EDARADD: variants seen among roughly 807,000 people sequenced by gnomAD.
EDARADD encodes the protein EDAR associated via death domain.
A neutral mutation model predicts 25.6 loss-of-function variants in EDARADD; 20 were observed. That is an observed-to-expected ratio of 0.78 (90% CI 0.55 to 1.14). The LOEUF is 1.14. EDARADD is among the 50% of genes most tolerant of loss of function. The probability of loss-of-function intolerance (pLI) is 0.00; values close to 1 mark genes in which losing one functional copy is unlikely to be tolerated. For missense variants in EDARADD, 225 were observed against 270.1 expected (o/e 0.83, Z 1.17); for synonymous variants, 86 against 94.4 (o/e 0.91, Z 0.52).
intron 3 of EDARADD, among the ~76,000 whole-genome samples, chr1:236,356,214 C>G (rs1666973884): frequency 6.6e-6 from 1 of 152,056 alleles, no homozygotes; most frequent in South Asian, 2.1e-4. Context: ...TCTCCCTAGT[C>G]CTTCAACCCA....
intron 3 of EDARADD, among the ~76,000 whole-genome samples, chr1:236,377,243 C>A (rs1572115447): frequency 6.6e-6 from 1 of 151,438 alleles, no homozygotes; most frequent in South Asian, 2.1e-4. Context: ...GCAACCTCCA[C>A]CTCCTGGGTT....
chr1:236,448,174 C>T (rs542285000), intron 4 of EDARADD, among the ~76,000 whole-genome samples: 56 of 152,346 alleles, frequency 3.7e-4, no homozygotes, highest in African/African-American at 1.3e-3. Context: ...GCCTGGGCCC[C>T]TGCCCCAGAG....
At position 236,484,125 on chromosome 1, in the gene EDARADD, A is replaced by C; in HGVS notation, c.*1476A>C. ...AATCCAGGTAGTGGAGGATGATCTC[A>C]GAGTGACCAACCCAAAGAGGACAGC... is the stretch of plus-strand genomic sequence containing the variant. On this transcript the variant is annotated 3_prime_UTR_variant, in exon 6 of 6. Coordinates refer to ENST00000334232, the MANE Select transcript of EDARADD (RefSeq NM_145861.4). This position sits in a 1 kb window ranked among gnomAD's most constrained non-coding sequence, Gnocchi z 4.1. The C allele has an allele frequency of 1.5e-5, 22 of 1,503,716 alleles. No individual in the cohort carries two copies. The highest frequency in any genetic ancestry group is 1.9e-5 in the Non-Finnish European group (20 of 1,080,734). The allele number at this position is 1,503,716 out of a possible 1,614,324, so 93.1% of individuals were successfully genotyped here. A position where few individuals can be genotyped will look rare whatever the true frequency, so the allele number is the denominator to read the frequency against.
chr1:236,402,221 C>T lies in EDARADD; in HGVS notation c.62-6995C>T, dbSNP rs150715423. 6.7e-3 allele frequency among the ~76,000 whole-genome samples: 1,019 copies of T among 152,294 alleles called. 10 individuals are homozygous for T. Among genetic ancestry groups the T allele is most frequent in the African/African-American group, 0.023 (975 of 41,558 alleles). On this transcript the variant is annotated intron_variant, in intron 1 of 5. Coordinates refer to ENST00000334232, the MANE Select transcript of EDARADD (RefSeq NM_145861.4). ...AGGTGATCTGCCCGCCTCGGCCTCC[C>T]AAAATACTGGGATTACAGATGTGAG... is the stretch of plus-strand genomic sequence containing the variant.
intron 5 of EDARADD, among the ~76,000 whole-genome samples, chr1:236,480,096 C>CATT (rs1553271637): frequency 1.3e-5 from 1 of 77,834 alleles, no homozygotes; most frequent in African/African-American, 6.2e-5. Context: ...TTAAGTATGC[C>CATT]ATATATATAT....
intron 4 of EDARADD, among the ~76,000 whole-genome samples, chr1:236,437,870 TTCTG>T (rs1449441067): frequency 1.3e-5 from 2 of 151,634 alleles, no homozygotes; most frequent in African/African-American, 4.9e-5. Flanking sequence ...CGCCTCAGCC[TTCTG>T]AGCAGCTGGG....
intron 3 of EDARADD, among the ~76,000 whole-genome samples, chr1:236,373,573 C>T (rs1572113989): frequency 6.6e-6 from 1 of 152,114 alleles, no homozygotes; most frequent in Non-Finnish European, 1.5e-5. Context: ...TTTCTAGACA[C>T]TTATTGATTT....
At chr1:236,440,444 A>G (rs536578931) in intron 4 of EDARADD, among the ~76,000 whole-genome samples, 2 of 152,334 alleles carry the variant, frequency 1.3e-5, no homozygotes, top group African/African-American at 4.8e-5. Context: ...CATTTAATCT[A>G]TAGATCAATT....
chr1:236,470,797 T>C (rs776104621), intron 5 of EDARADD, among the ~76,000 whole-genome samples: 6 of 152,010 alleles, frequency 3.9e-5, no homozygotes, highest in Non-Finnish European at 7.4e-5. Flanking sequence ...TTAGTAGAGA[T>C]GGGTTTTGCC....
At chr1:236,446,426 C>A (rs1658539897) in intron 4 of EDARADD, among the ~76,000 whole-genome samples, 1 of 152,110 alleles carries the variant, frequency 6.6e-6, no homozygotes, top group African/African-American at 2.4e-5. Flanking sequence ...GTGGCGCACA[C>A]CTGTAATCCT....
intron 4 of EDARADD, among the ~76,000 whole-genome samples, chr1:236,430,627 TAAAAAG>T (rs1658070215): frequency 6.6e-6 from 1 of 152,164 alleles, no homozygotes; most frequent in Non-Finnish European, 1.5e-5. Context: ...TCTTCTCCTA[TAAAAAG>T]TAGTACTATA....
chr1:236,385,089 C>CTTTTTTTTTT (rs34509027), intron 3 of EDARADD, among the ~76,000 whole-genome samples: 9 of 121,950 alleles, frequency 7.4e-5, no homozygotes, highest in Non-Finnish European at 1.1e-4. Flanking sequence ...CCTTTTGATT[C>CTTTTTTTTTT]TTTTTTTTTT....
chr1:236,448,767 T>C (rs1347706268), intron 4 of EDARADD, among the ~76,000 whole-genome samples: 1 of 152,220 alleles, frequency 6.6e-6, no homozygotes, highest in Non-Finnish European at 1.5e-5. Flanking sequence ...TGTGCATTTC[T>C]GATACAGAGA....
At chr1:236,377,442 C>T (rs1667236399) in intron 3 of EDARADD, among the ~76,000 whole-genome samples, 1 of 148,776 alleles carries the variant, frequency 6.7e-6, no homozygotes, top group Admixed American at 6.7e-5. Flanking sequence ...AGGCGTGAGC[C>T]ACCACGCCCA....
At chr1:236,350,648 T>C (rs1297869122) in intron 2 of EDARADD, 1 of 152,098 alleles carries the variant, frequency 6.6e-6, no homozygotes. Flanking sequence ...AAAGTATTAG[T>C]AGAAGCTGAG....
chr1:236,447,224 C>CTTT (rs58467420), intron 4 of EDARADD, among the ~76,000 whole-genome samples: 1,948 of 37,494 alleles, frequency 0.052, 41 homozygotes, highest in African/African-American at 0.073. Context: ...TTCTTTCTTT[C>CTTT]CTTTCTTTCC....
chr1:236,437,441 G>A (rs1425112310), intron 4 of EDARADD, among the ~76,000 whole-genome samples: 1 of 152,094 alleles, frequency 6.6e-6, no homozygotes, highest in African/African-American at 2.4e-5. Context: ...GGGTAAAAAG[G>A]CAGAGTTCTA....
At position 236,362,298 on chromosome 1, in the gene EDARADD, C is replaced by G. The variant is rs190020194; in HGVS notation, c.-6+11459C>G. The stretch of plus-strand genomic sequence containing the variant: ...CTTTAATTTGCATGTATGGAACAAC[C>G]GATGATGTTGAGCGTCTATTTGTGT... On this transcript the variant is annotated intron_variant, in intron 3 of 7. Coordinates refer to the EDARADD transcript ENST00000439430. Among the ~76,000 whole-genome samples the G allele has an allele frequency of 2.0e-5, 3 of 152,164 alleles. No homozygotes were observed. The East Asian group carries it at 5.8e-4, about 29-fold the overall frequency.
At chr1:236,478,952 G>A (rs1659588861) in intron 5 of EDARADD, among the ~76,000 whole-genome samples, 2 of 152,230 alleles carry the variant, frequency 1.3e-5, no homozygotes, top group Admixed American at 1.3e-4. Flanking sequence ...TCACTCATAA[G>A]TGGGAGTTAT....
Sources: gnomAD v4.1 joint callset for allele counts (sites outside exome capture counted in the v4.1 genomes callset) on GRCh38, gnomAD v4.1.1 for gene constraint, Gnocchi (gnomAD v3.1) non-coding constraint, MANE v1.5 for transcripts, NCBI Gene and HGNC (gene_info 2026-07-23, HGNC 2026-07-21) for gene names.